Variants in SCGN observed in about 807,000 individuals in gnomAD.
SCGN encodes the protein secretagogin.
In SCGN, 30 loss-of-function variants were observed where a neutral mutation model predicts 39.7. That is an observed-to-expected ratio of 0.76 (90% CI 0.57 to 1.03). The LOEUF (loss-of-function observed/expected upper bound fraction) is 1.03. Ranked by LOEUF, SCGN falls within the 50% of genes least tolerant of loss-of-function variation. The probability of loss-of-function intolerance (pLI) is 0.00; values close to 1 mark genes in which losing one functional copy is unlikely to be tolerated. For missense variants in SCGN, 353 were observed against 349.4 expected (o/e 1.01, Z -0.08); for synonymous variants, 106 against 114.1 (o/e 0.93, Z 0.45).
chr6:25,659,733 C>T (rs542480882), intron 2 of SCGN, among the ~76,000 whole-genome samples: 67 of 152,264 alleles, frequency 4.4e-4, no homozygotes, highest in African/African-American at 1.6e-3. Flanking sequence ...CACTGGAAAA[C>T]ATTTGCCATA....
intron 6 of SCGN, among the ~76,000 whole-genome samples, chr6:25,674,100 C>G (rs1380769354): frequency 6.6e-6 from 1 of 152,142 alleles, no homozygotes; most frequent in Non-Finnish European, 1.5e-5. Context: ...AAATCTGCCC[C>G]CATGATTCAT....
rs776840885 is a variant in SCGN at position 25,670,067 on chromosome 6, T to C, written c.462T>C (p.Thr154=). The change falls in exon 6 of 11, where the codon ACT becomes ACC. Residue 154 remains threonine (T), a synonymous_variant. Coordinates refer to ENST00000377961, the MANE Select transcript of SCGN (RefSeq NM_006998.4). ...CTGAGGCTAAACTGGAAGAATACAC[T>C]GGCACCATGGTAAGTAATGAGTAAT... ...AISEAKLEEY[T]GTMMKIFDRN... 2 of 1,610,272 alleles carry C rather than the reference T, an allele frequency of 1.2e-6. No individual in the cohort carries two copies. Among genetic ancestry groups the C allele is most frequent in the East Asian group, 4.5e-5 (2 of 44,842 alleles).
At chr6:25,660,996 G>A (rs993656627) in intron 2 of SCGN, among the ~76,000 whole-genome samples, 1 of 152,158 alleles carries the variant, frequency 6.6e-6, no homozygotes, top group Non-Finnish European at 1.5e-5. Flanking sequence ...GACAATTAAG[G>A]TTCTACATAG....
chr6:25,656,067 C>T (rs1760222574), intron 2 of SCGN, among the ~76,000 whole-genome samples: 1 of 152,198 alleles, frequency 6.6e-6, no homozygotes. Flanking sequence ...GGAAGCTATT[C>T]CTAATTTTGG....
chr6:25,681,880 GA>G (rs902761072), intron 6 of SCGN, 70 bp from the exon 7 acceptor site: 226 of 1,340,104 alleles, frequency 1.7e-4, no homozygotes, highest in Non-Finnish European at 3.2e-6. Flanking sequence ...GAGCAAAATA[GA>G]AAAGTGCTTT....
chr6:25,679,738 C>G (rs1759612331), intron 6 of SCGN, among the ~76,000 whole-genome samples: 1 of 152,160 alleles, frequency 6.6e-6, no homozygotes, highest in Non-Finnish European at 1.5e-5. Flanking sequence ...GTTTATATTT[C>G]TTTAGGGGAA....
At chr6:25,671,974 G>A (rs566153106) in intron 6 of SCGN, among the ~76,000 whole-genome samples, 4 of 152,318 alleles carry the variant, frequency 2.6e-5, no homozygotes, top group African/African-American at 2.4e-5. Flanking sequence ...TTGACTCTGA[G>A]GGGCTTGCCC....
intron 6 of SCGN, among the ~76,000 whole-genome samples, chr6:25,675,049 G>T (rs1759547116): frequency 6.6e-6 from 1 of 152,302 alleles, no homozygotes; most frequent in East Asian, 1.9e-4. Flanking sequence ...AAAAGAAAGA[G>T]AAATAAGTTT....
At chr6:25,685,199 C>A (rs922713479) in intron 7 of SCGN, among the ~76,000 whole-genome samples, 16 of 152,296 alleles carry the variant, frequency 1.1e-4, no homozygotes, top group African/African-American at 3.9e-4. Flanking sequence ...CGATTTCAGA[C>A]TTCAGCTTCT....
In SCGN at chr6:25,665,651, A is replaced by G. The variant is rs116125314; in HGVS notation, c.336+619A>G. 6.6e-3 allele frequency among the ~76,000 whole-genome samples: 1,011 copies of G among 152,308 alleles called. 17 individuals are homozygous for G. Among genetic ancestry groups the G allele is most frequent in the African/African-American group, 0.016 (661 of 41,552 alleles). ...GAAAAACAACCAGGGAAGGGCAGAT[A>G]AGGGTTTCCCCAAGGCCAGAGCAGC... On this transcript the variant is annotated intron_variant, in intron 4 of 10. Transcript: ENST00000377961.
rs894370528 is a variant in SCGN at position 25,677,660 on chromosome 6, A to G, written c.472-4291A>G. ...AGATAGTTGTGATATATGTGTGTGT[A>G]CATATATACATATGCTTGTATGTTT... On this transcript the variant is annotated intron_variant, in intron 6 of 10. Coordinates refer to ENST00000377961, the MANE Select transcript of SCGN (RefSeq NM_006998.4). Among the ~76,000 whole-genome samples the G allele has an allele frequency of 5.3e-5, 8 of 152,312 alleles. No individual in the cohort carries two copies. The East Asian group carries it at 1.5e-3, about 29-fold the overall frequency.
chr6:25,664,898 G>T, intron 3 of SCGN, 45 bp from the exon 4 acceptor site: 1 of 1,473,896 alleles, frequency 6.8e-7, no homozygotes, highest in South Asian at 1.2e-5. Flanking sequence ...TCTTGAAATG[G>T]ACACTGGCCA....
chr6:25,701,363 A>C lies in SCGN; in HGVS notation c.*28A>C. The C allele has an allele frequency of 5.0e-6, 8 of 1,601,798 alleles. No homozygotes were observed. Among genetic ancestry groups the C allele is most frequent in the Non-Finnish European group, 6.8e-6 (8 of 1,174,626 alleles). On this transcript the variant is annotated 3_prime_UTR_variant, in exon 11 of 11. Transcript: ENST00000377961. ...CCAGACTGCTTTGCCTTTTGCTCTT[A>C]CTATGTTTCTGTGATCTTGCTGGTA...
At chr6:25,674,499 C>T (rs1226270314) in intron 6 of SCGN, among the ~76,000 whole-genome samples, 7 of 152,234 alleles carry the variant, frequency 4.6e-5, no homozygotes, top group Non-Finnish European at 5.9e-5. Flanking sequence ...AGCTCTCATA[C>T]ACCAAGCGTG....
intron 10 of SCGN, among the ~76,000 whole-genome samples, chr6:25,691,656 A>G (rs955882087): frequency 2.0e-5 from 3 of 152,228 alleles, no homozygotes; most frequent in African/African-American, 7.2e-5. Context: ...GACAAGGTTT[A>G]AAAAACCTTC....
At chr6:25,674,488 G>A (rs1561765480) in intron 6 of SCGN, among the ~76,000 whole-genome samples, 1 of 152,174 alleles carries the variant, frequency 6.6e-6, no homozygotes, top group Non-Finnish European at 1.5e-5. Flanking sequence ...TCTGCATCCT[G>A]AGCTCTCATA....
intron 3 of SCGN, among the ~76,000 whole-genome samples, chr6:25,663,746 T>C (rs1213971799): frequency 1.3e-5 from 2 of 152,210 alleles, no homozygotes; most frequent in African/African-American, 4.8e-5. Flanking sequence ...AAAACTGGTG[T>C]GAGGACTTAA....
chr6:25,652,881 C>T (rs1000514280), intron 1 of SCGN, among the ~76,000 whole-genome samples: 3 of 152,080 alleles, frequency 2.0e-5, no homozygotes, highest in African/African-American at 7.2e-5. Context: ...TTGCTGTACA[C>T]CCCTCACTCT....
chr6:25,689,338 C>G (rs1759747323), intron 8 of SCGN, 121 bp downstream of exon 8: 1 of 1,140,728 alleles, frequency 8.8e-7, no homozygotes, highest in Admixed American at 2.0e-5. Flanking sequence ...AGAAAACAGA[C>G]AAGGATCAGC....
Sources: allele counts gnomAD v4.1 joint callset (sites outside exome capture counted in the v4.1 genomes callset), GRCh38; gene constraint gnomAD v4.1.1; transcripts MANE v1.5; gene names NCBI Gene and HGNC (gene_info 2026-07-23, HGNC 2026-07-21).